Variants in ELMO2 observed in about 807,000 individuals in gnomAD.
The protein encoded by ELMO2 is engulfment and cell motility protein 2.
ELMO2 carries 37 observed loss-of-function variants against 96.2 expected under a neutral mutation model. The observed-to-expected ratio is 0.38, with a 90% CI of 0.30 to 0.51. The LOEUF (loss-of-function observed/expected upper bound fraction) is 0.51, where lower values mean the gene tolerates loss of function less well. ELMO2 is among the 20% of genes least tolerant of loss of function. The pLI, the probability that ELMO2 is intolerant of heterozygous loss-of-function variation, is 0.88. For missense variants in ELMO2, 561 were observed against 912.6 expected (o/e 0.61, Z 4.96); for synonymous variants, 315 against 329.4 (o/e 0.96, Z 0.47).
chr20:46,388,596 T>C (rs532509028), intron 7 of ELMO2, among the ~76,000 whole-genome samples: 1,514 of 132,436 alleles, frequency 0.011, 20 homozygotes, highest in African/African-American at 0.059. Context: ...GGAAGGCGTG[T>C]GTGTGTGTGT....
chr20:46,370,530 T>C lies in ELMO2; in HGVS notation c.1802-5A>G, dbSNP rs528750102. On this transcript the variant is annotated splice_polypyrimidine_tract_variant and splice_region_variant and intron_variant, in intron 19 of 21. Coordinates refer to ENST00000290246, the MANE Select transcript of ELMO2 (RefSeq NM_133171.5). The stretch of plus-strand genomic sequence containing the variant: ...CCTTAATGTCTGCAACAGGAACTGA[T>C]AAATGATGGGAATTAGTCTCTGGAA... 1.9e-6 allele frequency: 3 copies of C among 1,613,782 alleles called. No individual in the cohort carries two copies. Among genetic ancestry groups the C allele is most frequent in the Non-Finnish European group, 1.7e-6 (2 of 1,179,672 alleles).
chr20:46,393,222 T>C (rs1240242464), intron 5 of ELMO2, 79 bp from the exon 6 acceptor site: 4 of 1,425,318 alleles, frequency 2.8e-6, no homozygotes, highest in Non-Finnish European at 4.0e-6. Context: ...TCAACAATAA[T>C]GTTTTGTCTT....
chr20:46,403,694 C>T (rs1480534525), intron 1 of ELMO2, among the ~76,000 whole-genome samples: 2 of 152,174 alleles, frequency 1.3e-5, no homozygotes, highest in Non-Finnish European at 2.9e-5. Flanking sequence ...CCTGAAGCAT[C>T]CTGAAGATGA....
intron 10 of ELMO2, among the ~76,000 whole-genome samples, chr20:46,380,598 GC>G (rs1466912585): frequency 2.6e-5 from 4 of 152,158 alleles, no homozygotes; most frequent in African/African-American, 4.8e-5. Flanking sequence ...AAGATGAGAC[GC>G]TTGTGTCACA....
In ELMO2 at chr20:46,366,332, C is replaced by T. The variant is rs1451474581; in HGVS notation, c.*1028G>A. The stretch of plus-strand genomic sequence containing the variant: ...CCAATACTGAATGCCAATGTGCTAA[C>T]GTATGTCCAGGGAGAGAGGCTGTGT... On this transcript the variant is annotated 3_prime_UTR_variant, in exon 22 of 22. Transcript: ENST00000290246. 1.3e-5 allele frequency: 2 copies of T among 152,726 alleles called. No individual in the cohort carries two copies. The highest frequency in any genetic ancestry group is 2.4e-5 in the African/African-American group (1 of 41,460). 9.5% of individuals were successfully genotyped at this position (152,726 alleles called of 1,614,324 possible). A position where few individuals can be genotyped will look rare whatever the true frequency, so the allele number is the denominator to read the frequency against.
At chr20:46,394,170 G>A in intron 3 of ELMO2, 81 bp from the exon 4 acceptor site, 1 of 1,310,416 alleles carries the variant, frequency 7.6e-7, no homozygotes, top group Non-Finnish European at 1.1e-6. Context: ...CTGCCAAGCA[G>A]GGTCAAGCTG....
chr20:46,376,799 C>T lies in ELMO2; in HGVS notation c.808-1009G>A, dbSNP rs563554118. 78 of 1,288,994 alleles carry T rather than the reference C, an allele frequency of 6.1e-5. 2 individuals carry two copies. The Middle Eastern group carries it at 0.011, about 176-fold the overall frequency. 79.8% of individuals were successfully genotyped at this position (1,288,994 alleles called of 1,614,324 possible). A position where few individuals can be genotyped will look rare whatever the true frequency, so the allele number is the denominator to read the frequency against. On this transcript the variant is annotated intron_variant, in intron 11 of 21. Transcript: ENST00000290246. ...ACCACTATGTCCTTCAATTTCCCTA[C>T]TCAGTAGCTCTGTCTCTAGGGCTGT...
intron 9 of ELMO2, among the ~76,000 whole-genome samples, chr20:46,385,422 T>C (rs2060024223): frequency 6.6e-6 from 1 of 152,240 alleles, no homozygotes; most frequent in South Asian, 2.1e-4. Context: ...ATTTACTGAA[T>C]ACCTAACCCA....
chr20:46,381,409 C>T (rs564389988), intron 10 of ELMO2, among the ~76,000 whole-genome samples: 3 of 152,184 alleles, frequency 2.0e-5, no homozygotes, highest in Non-Finnish European at 2.9e-5. Context: ...TATCTGTGAG[C>T]TCTGTGTCAT....
At chr20:46,402,779 G>A (rs535181227) in intron 1 of ELMO2, among the ~76,000 whole-genome samples, 1 of 152,362 alleles carries the variant, frequency 6.6e-6, no homozygotes, top group South Asian at 2.1e-4. Flanking sequence ...GAAGGCCTAG[G>A]CCCCCACTTC....
chr20:46,383,506 G>A lies in ELMO2; in HGVS notation c.678-12C>T. On this transcript the variant is annotated splice_polypyrimidine_tract_variant and intron_variant, in intron 9 of 21. Transcript: ENST00000290246. Reference sequence around the variant, plus strand: ...TCTCCTGGTTGGAGCTGTGTCAATGGAGAAAGAAGAGAGAGGGAGATTAGA... The same window carrying A: ...TCTCCTGGTTGGAGCTGTGTCAATGAAGAAAGAAGAGAGAGGGAGATTAGA... The A allele has an allele frequency of 6.2e-7, 1 of 1,610,390 alleles. No homozygotes were observed. The highest frequency in any genetic ancestry group is 1.1e-5 in the South Asian group (1 of 90,990).
At chr20:46,389,340 C>T (rs749974002) in intron 6 of ELMO2, 120 bp from the exon 7 acceptor site, 39 of 1,030,156 alleles carry the variant, frequency 3.8e-5, no homozygotes, top group Non-Finnish European at 4.9e-5. Flanking sequence ...AGTTTTTTCA[C>T]ACAGCTTAGG....
chr20:46,399,377 C>T (rs1000965634), intron 1 of ELMO2, among the ~76,000 whole-genome samples: 1 of 152,152 alleles, frequency 6.6e-6, no homozygotes, highest in Non-Finnish European at 1.5e-5. Flanking sequence ...ATAAGGCAGG[C>T]CATGTTCTTT....
chr20:46,391,225 G>C (rs979979023), intron 6 of ELMO2, among the ~76,000 whole-genome samples: 3 of 152,200 alleles, frequency 2.0e-5, no homozygotes, highest in African/African-American at 7.2e-5. Context: ...AGAAGAACAT[G>C]ATGGGAGGAA....
intron 21 of ELMO2, among the ~76,000 whole-genome samples, 174 bp downstream of exon 21, chr20:46,368,717 C>T (rs1352549642): frequency 6.6e-6 from 1 of 152,134 alleles, no homozygotes; most frequent in African/African-American, 2.4e-5. Context: ...ACAGCTCCTC[C>T]TTTGAGACAT....
intron 11 of ELMO2, chr20:46,377,080 C>T (rs2059874669): frequency 3.7e-6 from 1 of 268,878 alleles, no homozygotes; most frequent in South Asian, 3.7e-5. Flanking sequence ...CTCCTTCTAA[C>T]TTTGGATCAG....
intron 5 of ELMO2, 77 bp downstream of exon 5, chr20:46,393,452 A>C: frequency 2.7e-6 from 4 of 1,474,700 alleles, no homozygotes; most frequent in Non-Finnish European, 2.8e-6. Flanking sequence ...TGCTGAGTGA[A>C]GATAAATAGT....
Position 46,371,330 on chromosome 20 carries a change from A to G in ELMO2, c.1801+22T>C. The G allele has an allele frequency of 2.5e-6, 4 of 1,611,200 alleles. No homozygotes were observed. The highest frequency in any genetic ancestry group is 3.4e-6 in the Non-Finnish European group (4 of 1,177,386). ...CTGACAAGTCCAGCAACCATGACACATCAACAGAGAAATGAACCTACTTTT... is the reference window on the plus strand; with the variant it reads ...CTGACAAGTCCAGCAACCATGACACGTCAACAGAGAAATGAACCTACTTTT... On this transcript the variant is annotated intron_variant, in intron 19 of 21. Coordinates refer to ENST00000290246, the MANE Select transcript of ELMO2 (RefSeq NM_133171.5). The surrounding 1 kb of genome is among the most constrained non-coding windows in gnomAD (Gnocchi z 5.9).
At chr20:46,384,124 C>T (rs1005384701) in intron 9 of ELMO2, among the ~76,000 whole-genome samples, 13 of 152,160 alleles carry the variant, frequency 8.5e-5, no homozygotes, top group African/African-American at 2.7e-4. Context: ...TAAAAATATG[C>T]ATAAAAATAC....
Sources: gnomAD v4.1 joint callset for allele counts (sites outside exome capture counted in the v4.1 genomes callset) on GRCh38, gnomAD v4.1.1 for gene constraint, Gnocchi (gnomAD v3.1) non-coding constraint, MANE v1.5 for transcripts, NCBI Gene and HGNC (gene_info 2026-07-23, HGNC 2026-07-21) for gene names.